The following OTOGL variants were observed in gnomAD, a reference collection of about 807,000 sequenced individuals.
The protein encoded by OTOGL is otogelin like, also known as otogelin-like protein.
OTOGL carries 285 observed loss-of-function variants against 318.5 expected under a neutral mutation model. The ratio of observed to expected loss-of-function variants is 0.89; its 90% CI spans 0.81 to 0.99. OTOGL has a LOEUF of 0.99. OTOGL is among the 50% of genes least tolerant of loss of function. The probability of loss-of-function intolerance (pLI) is 0.00; values close to 1 mark genes in which losing one functional copy is unlikely to be tolerated. For missense variants in OTOGL, 2,899 were observed against 2,845.6 expected, an observed-to-expected ratio of 1.02 and a Z score of -0.43; for synonymous variants, 987 against 936.5, an observed-to-expected ratio of 1.05 and a Z score of -0.99.
chr12:80,279,318 G>A (rs1305699925), intron 26 of OTOGL, among the ~76,000 whole-genome samples, 152 bp downstream of exon 26: 1 of 151,406 alleles, frequency 6.6e-6, no homozygotes, highest in Non-Finnish European at 1.5e-5. Flanking sequence ...CAGGTTCGGG[G>A]GTACTTGGGA....
chr12:80,145,852 C>A (rs1872315404), intron 1 of OTOGL, among the ~76,000 whole-genome samples: 1 of 151,738 alleles, frequency 6.6e-6, no homozygotes, highest in Non-Finnish European at 1.5e-5. Flanking sequence ...TGATTTGGCT[C>A]TCTGTTTGTC....
At chr12:80,293,473 G>A (rs1885178829) in intron 26 of OTOGL, among the ~76,000 whole-genome samples, 1 of 151,798 alleles carries the variant, frequency 6.6e-6, no homozygotes, top group African/African-American at 2.4e-5. Flanking sequence ...GTCAACTGAA[G>A]GGTGGTTTTG....
At chr12:80,373,176 G>A (rs545591450) in intron 57 of OTOGL, among the ~76,000 whole-genome samples, 3 of 152,178 alleles carry the variant, frequency 2.0e-5, no homozygotes, top group East Asian at 3.9e-4. Context: ...ATACCATGCT[G>A]TAATCACAGC....
intron 24 of OTOGL, among the ~76,000 whole-genome samples, chr12:80,272,844 A>G (rs1320545725): frequency 2.6e-5 from 4 of 152,120 alleles, no homozygotes; most frequent in Non-Finnish European, 5.9e-5. Flanking sequence ...TCACAAAAGA[A>G]CAAGTGCCTG....
At chr12:80,352,556 G>A in intron 45 of OTOGL, 120 bp downstream of exon 45, 1 of 864,236 alleles carries the variant, frequency 1.2e-6, no homozygotes, top group Admixed American at 3.6e-5. Context: ...ATGCACAGAA[G>A]AAGCTATGAC....
At chr12:80,273,159 C>T (rs1883539094) in intron 24 of OTOGL, among the ~76,000 whole-genome samples, 1 of 152,184 alleles carries the variant, frequency 6.6e-6, no homozygotes, top group Admixed American at 6.6e-5. Context: ...TTTCCTCCTA[C>T]CTTCTCTGAC....
chr12:80,308,213 G>A (rs1592688185), intron 29 of OTOGL, among the ~76,000 whole-genome samples: 2 of 151,192 alleles, frequency 1.3e-5, no homozygotes, highest in African/African-American at 4.8e-5. Flanking sequence ...TCCCAGACGG[G>A]GTGGCTGCTG....
chr12:80,330,751 T>A (rs985614746), intron 37 of OTOGL, among the ~76,000 whole-genome samples: 4 of 152,240 alleles, frequency 2.6e-5, no homozygotes, highest in Admixed American at 2.6e-4. Context: ...TACTGAAACC[T>A]ATTAGCAATA....
chr12:80,255,456 A>C (rs1346698908), intron 16 of OTOGL, among the ~76,000 whole-genome samples: 1 of 152,046 alleles, frequency 6.6e-6, no homozygotes, highest in Non-Finnish European at 1.5e-5. Context: ...CTATATATTT[A>C]ATTGCATTTT....
chr12:80,300,379 C>T (rs1023179211), intron 27 of OTOGL, among the ~76,000 whole-genome samples: 1 of 151,890 alleles, frequency 6.6e-6, no homozygotes, highest in South Asian at 2.1e-4. Flanking sequence ...GCAAGTGGAG[C>T]GTAGCAGTGG....
chr12:80,298,471 G>A (rs1484717128), intron 27 of OTOGL, among the ~76,000 whole-genome samples: 1 of 152,116 alleles, frequency 6.6e-6, no homozygotes, highest in East Asian at 1.9e-4. Flanking sequence ...GTTTGTGTGA[G>A]GATTGAAATG....
intron 1 of OTOGL, among the ~76,000 whole-genome samples, chr12:80,161,468 G>C (rs1483144827): frequency 6.6e-6 from 1 of 152,014 alleles, no homozygotes; most frequent in Non-Finnish European, 1.5e-5. Context: ...AACTAAGTAG[G>C]CTGGCTTGAT....
At chr12:80,359,773 T>A (rs921127918) in intron 52 of OTOGL, among the ~76,000 whole-genome samples, 3 of 152,232 alleles carry the variant, frequency 2.0e-5, no homozygotes, top group South Asian at 4.1e-4. Flanking sequence ...TGTCATTTGA[T>A]TATTTTGTGT....
At chr12:80,123,841 G>C (rs561934277) in intron 1 of OTOGL, among the ~76,000 whole-genome samples, 1 of 152,166 alleles carries the variant, frequency 6.6e-6, no homozygotes, top group African/African-American at 2.4e-5. Flanking sequence ...GTCTTCTTTT[G>C]AGAAGTATCT....
At chr12:80,167,066 T>G (rs1008402712) in intron 1 of OTOGL, among the ~76,000 whole-genome samples, 29 of 152,200 alleles carry the variant, frequency 1.9e-4, no homozygotes, top group African/African-American at 5.3e-4. Flanking sequence ...TTTTAAAATA[T>G]TGCATAAAAT....
At chr12:80,250,033 T>TGC (rs1881378677) in intron 11 of OTOGL, among the ~76,000 whole-genome samples, 1 of 151,868 alleles carries the variant, frequency 6.6e-6, no homozygotes, top group East Asian at 1.9e-4. Flanking sequence ...TCGCGCACGG[T>TGC]GCGCGCACCC....
intron 30 of OTOGL, among the ~76,000 whole-genome samples, chr12:80,312,825 T>C (rs1168634411): frequency 1.3e-5 from 2 of 152,148 alleles, no homozygotes; most frequent in Non-Finnish European, 2.9e-5. Context: ...TTCTTCTTTT[T>C]TTTTATTTGA....
At chr12:80,234,989 T>C (rs1016293468) in intron 9 of OTOGL, among the ~76,000 whole-genome samples, 1 of 152,192 alleles carries the variant, frequency 6.6e-6, no homozygotes, top group Non-Finnish European at 1.5e-5. Context: ...TTGCACCCAG[T>C]TGGCATTTGC....
At chr12:80,291,490 C>G (rs1418294214) in intron 26 of OTOGL, among the ~76,000 whole-genome samples, 1 of 152,102 alleles carries the variant, frequency 6.6e-6, no homozygotes, top group African/African-American at 2.4e-5. Flanking sequence ...CCTGCAAATA[C>G]CTATATGAAT....
Sources: gnomAD v4.1 joint callset for allele counts (sites outside exome capture counted in the v4.1 genomes callset) on GRCh38, gnomAD v4.1.1 for gene constraint, MANE v1.5 for transcripts, NCBI Gene and HGNC (gene_info 2026-07-23, HGNC 2026-07-21) for gene names.